The following FER variants were observed in gnomAD, a reference collection of about 807,000 sequenced individuals.
FER encodes the protein FER tyrosine kinase, also known as tyrosine-protein kinase Fer.
In FER, 63 loss-of-function variants were observed where a neutral mutation model predicts 111.0. That is an observed-to-expected ratio of 0.57 (90% CI 0.46 to 0.70). The LOEUF (loss-of-function observed/expected upper bound fraction) is 0.70. Ranked by LOEUF, FER falls within the 30% of genes least tolerant of loss-of-function variation. The probability of loss-of-function intolerance (pLI) is 0.00; values close to 1 mark genes in which losing one functional copy is unlikely to be tolerated. For missense variants in FER, 914 were observed against 954.0 expected (o/e 0.96, Z 0.55); for synonymous variants, 327 against 313.9 (o/e 1.04, Z -0.44).
intron 12 of FER, among the ~76,000 whole-genome samples, chr5:108,958,168 T>G (rs1758677540): frequency 6.6e-6 from 1 of 151,782 alleles, no homozygotes; most frequent in Non-Finnish European, 1.5e-5. Context: ...AAATTAAATT[T>G]TGATACATTC....
intron 17 of FER, among the ~76,000 whole-genome samples, chr5:109,113,854 G>T (rs1454593756): frequency 6.6e-6 from 1 of 151,932 alleles, no homozygotes; most frequent in African/African-American, 2.4e-5. Flanking sequence ...TCCCTAATTT[G>T]CTCCAAAGAG....
intron 17 of FER, among the ~76,000 whole-genome samples, chr5:109,157,647 T>C (rs1755546322): frequency 6.6e-6 from 1 of 152,276 alleles, no homozygotes; most frequent in Middle Eastern, 3.4e-3. Context: ...CTTATTTTCC[T>C]TAGTGACTTT....
At chr5:108,890,113 C>T (rs957839663) in intron 9 of FER, among the ~76,000 whole-genome samples, 1 of 152,050 alleles carries the variant, frequency 6.6e-6, no homozygotes, top group Non-Finnish European at 1.5e-5. Flanking sequence ...AGTCCATCTA[C>T]CTCCTTAGTA....
rs527362667 is a variant in FER, at chr5:108,762,156, C to G, written c.-205-5937C>G. ...TCTTGAACTCCTTACGTCAGGCAAT[C>G]TGCCTGCCTTGTGGTATAATTTTTT... On this transcript the variant is annotated intron_variant, in intron 1 of 19. Coordinates refer to ENST00000281092, the MANE Select transcript of FER (RefSeq NM_005246.4). Among the ~76,000 whole-genome samples the G allele has an allele frequency of 1.3e-3, 201 of 152,270 alleles. 1 individual carries two copies. The highest frequency in any genetic ancestry group is 4.3e-3 in the African/African-American group (179 of 41,554).
chr5:108,855,623 C>CCAAT (rs1762936120), intron 5 of FER, among the ~76,000 whole-genome samples: 1 of 148,306 alleles, frequency 6.7e-6, no homozygotes, highest in African/African-American at 2.5e-5. Context: ...ATACAAAAGA[C>CCAAT]CAATGTAAAA....
intron 10 of FER, among the ~76,000 whole-genome samples, chr5:108,923,551 A>G (rs1753320309): frequency 6.6e-6 from 1 of 152,162 alleles, no homozygotes; most frequent in Non-Finnish European, 1.5e-5. Flanking sequence ...CCTGAATATG[A>G]TACCTGGCAT....
chr5:108,752,253 A>G (rs980290237), intron 1 of FER, among the ~76,000 whole-genome samples: 3 of 151,182 alleles, frequency 2.0e-5, no homozygotes, highest in African/African-American at 4.9e-5. Context: ...TTTCTTTCTT[A>G]TTTTTGTTTG....
At chr5:109,111,677 C>A (rs922830605) in intron 17 of FER, among the ~76,000 whole-genome samples, 6 of 152,216 alleles carry the variant, frequency 3.9e-5, no homozygotes, top group East Asian at 1.9e-4. Context: ...AGGAAACTTA[C>A]AATCATGGCA....
chr5:109,175,611 A>G (rs1156360706), intron 17 of FER, among the ~76,000 whole-genome samples: 1 of 152,226 alleles, frequency 6.6e-6, no homozygotes, highest in Non-Finnish European at 1.5e-5. Flanking sequence ...ACTATATTAA[A>G]TTTAAAAGCT....
rs866728165 is a variant in FER at position 109,025,244 on chromosome 5, A to G, written c.1657-12178A>G. Among the ~76,000 whole-genome samples the G allele has an allele frequency of 7.2e-3, 1,095 of 152,036 alleles. 15 individuals carry two copies. Among genetic ancestry groups the G allele is most frequent in the African/African-American group, 0.025 (1,035 of 41,404 alleles). On this transcript the variant is annotated intron_variant, in intron 13 of 19. Coordinates refer to ENST00000281092, the MANE Select transcript of FER (RefSeq NM_005246.4). ...CATTTTCATGATATTGATTCTTCCT[A>G]CCCATGAACATGGAATGTTCTTCCA...
intron 10 of FER, among the ~76,000 whole-genome samples, chr5:108,934,530 T>C (rs985178590): frequency 6.6e-6 from 1 of 152,192 alleles, no homozygotes; most frequent in Non-Finnish European, 1.5e-5. Flanking sequence ...AGTTCGTTGC[T>C]TTTTAAAATT....
intron 13 of FER, among the ~76,000 whole-genome samples, chr5:108,986,656 C>T (rs1762609517): frequency 6.6e-6 from 1 of 152,166 alleles, no homozygotes; most frequent in African/African-American, 2.4e-5. Context: ...TTTCATTCTT[C>T]TACATGTGAC....
chr5:108,976,124 T>C (rs1048839645), intron 13 of FER, among the ~76,000 whole-genome samples: 1 of 152,146 alleles, frequency 6.6e-6, no homozygotes, highest in Non-Finnish European at 1.5e-5. Context: ...GACAAGGGCC[T>C]ATGACAGATA....
At chr5:108,777,407 T>C (rs1323854733) in intron 2 of FER, among the ~76,000 whole-genome samples, 2 of 152,204 alleles carry the variant, frequency 1.3e-5, no homozygotes, top group Non-Finnish European at 1.5e-5. Flanking sequence ...TTGTTTACAA[T>C]TGATGAACCT....
intron 5 of FER, among the ~76,000 whole-genome samples, chr5:108,850,470 C>T (rs995725925): frequency 2.6e-5 from 4 of 152,054 alleles, no homozygotes; most frequent in Non-Finnish European, 5.9e-5. Context: ...TTAGGTTTAT[C>T]ACTGTACACC....
chr5:109,025,252 A>G (rs59933361), intron 13 of FER, among the ~76,000 whole-genome samples: 10,679 of 151,444 alleles, frequency 0.071, 645 homozygotes, highest in African/African-American at 0.15. Flanking sequence ...CTACCCATGA[A>G]CATGGAATGT....
intron 16 of FER, among the ~76,000 whole-genome samples, chr5:109,079,870 C>T (rs1312914530): frequency 2.0e-5 from 3 of 152,084 alleles, no homozygotes; most frequent in Non-Finnish European, 4.4e-5. Flanking sequence ...ATCCTGACCC[C>T]ATTTCTAGAC....
chr5:108,753,613 G>T (rs536532881), intron 1 of FER, among the ~76,000 whole-genome samples: 2 of 152,210 alleles, frequency 1.3e-5, no homozygotes, highest in South Asian at 4.1e-4. Context: ...TTCTCAATCT[G>T]TTTAAAATTT....
At chr5:108,935,744 A>G (rs1287435378) in intron 10 of FER, among the ~76,000 whole-genome samples, 2 of 152,038 alleles carry the variant, frequency 1.3e-5, no homozygotes, top group Non-Finnish European at 2.9e-5. Context: ...GGACTGGAAG[A>G]TACTATAAAA....
Sources: allele counts gnomAD v4.1 joint callset (sites outside exome capture counted in the v4.1 genomes callset), GRCh38; gene constraint gnomAD v4.1.1; transcripts MANE v1.5; gene names NCBI Gene and HGNC (gene_info 2026-07-23, HGNC 2026-07-21).